The following CMPK2 variants were observed in gnomAD, a reference collection of about 807,000 sequenced individuals.
The protein encoded by CMPK2 is UMP-CMP kinase 2, mitochondrial.
In CMPK2, 32 loss-of-function variants were observed where a neutral mutation model predicts 33.4. The ratio of observed to expected loss-of-function variants is 0.96; its 90% CI spans 0.72 to 1.29. The LOEUF (loss-of-function observed/expected upper bound fraction) is 1.29. Among genes scored for constraint, CMPK2 ranks in the 50% most tolerant of loss-of-function variants. CMPK2 has a pLI of 0.00. For synonymous variants in CMPK2, 299 were observed against 275.3 expected (o/e 1.09, Z -0.85); for missense variants, 672 against 616.0 (o/e 1.09, Z -0.96).
At chr2:6,860,730 C>T (rs1662849819) in intron 3 of CMPK2, among the ~76,000 whole-genome samples, 1 of 152,180 alleles carries the variant, frequency 6.6e-6, no homozygotes. Context: ...ATTGAATCCT[C>T]TAAATTGAGA....
intron 2 of CMPK2, among the ~76,000 whole-genome samples, chr2:6,862,307 T>C (rs1046533312): frequency 2.6e-5 from 4 of 152,226 alleles, no homozygotes; most frequent in Admixed American, 6.5e-5. Context: ...TTTAATCATC[T>C]GACAGAAGAA....
chr2:6,865,608 G>A lies in CMPK2; in HGVS notation c.89C>T (p.Pro30Leu), dbSNP rs1663054199. The A allele has an allele frequency of 7.2e-7, 1 of 1,394,472 alleles. No homozygotes were observed. The highest frequency in any genetic ancestry group is 9.3e-7 in the Non-Finnish European group (1 of 1,074,216). 86.4% of individuals were successfully genotyped at this position (1,394,472 alleles called of 1,614,324 possible). Residue 30 changes from proline (P) to leucine (L), a missense_variant, in exon 1 of 5, where the codon CCG (proline) becomes CTG (leucine). Transcript: ENST00000256722. ...RGVCAGAMAP[P>L]RRFVLELPDC... ...GGGAAGCTCCAGGACGAAGCGGCGC[G>A]GCGGAGCCATGGCCCCAGCGCAGAC...
At chr2:6,864,977 G>A (rs889438291) in intron 1 of CMPK2, 45 bp downstream of exon 1, 1 of 1,388,840 alleles carries the variant, frequency 7.2e-7, no homozygotes, top group South Asian at 1.7e-5. Flanking sequence ...TGGTCTGAAG[G>A]GTTCAGATGC....
chr2:6,852,569 C>T (rs184113319), intron 3 of CMPK2, among the ~76,000 whole-genome samples: 30 of 152,286 alleles, frequency 2.0e-4, no homozygotes, highest in Admixed American at 1.2e-3. Flanking sequence ...ACCCTTTCTA[C>T]GTGACTCTAC....
At chr2:6,866,007 G>T (rs1410997847), upstream of CMPK2, 3 of 598,514 alleles carry the variant, frequency 5.0e-6, no homozygotes, top group African/African-American at 4.0e-5. Context: ...CGGCTCCCGG[G>T]GCTGACACCG....
At chr2:6,857,005 C>A (rs192729891) in intron 3 of CMPK2, among the ~76,000 whole-genome samples, 65 of 152,352 alleles carry the variant, frequency 4.3e-4, no homozygotes, top group South Asian at 8.3e-4. Context: ...AGCAATCTTC[C>A]ACTTTGCTAC....
chr2:6,851,537 T>G lies in CMPK2; in HGVS notation c.1139A>C (p.Glu380Ala). 6.2e-7 allele frequency: 1 copy of G among 1,614,200 alleles called. No homozygotes were observed. The highest frequency in any genetic ancestry group is 8.5e-7 in the Non-Finnish European group (1 of 1,180,036). The change falls in exon 4 of 5, where the codon GAG becomes GCG. Residue 380 changes from glutamate (E) to alanine (A), a missense_variant. Physicochemically the swap from Glu to Ala is moderately radical, Grantham distance 107 (BLOSUM62 -1). Transcript: ENST00000256722. ...GCCCTGCAGCCTCTGCAACCTCTCC[T>G]CAGGACTCACAGTGAGCAGCAGGAT... Reference protein sequence around the residue: ...DLILLLTVSPEERLQRLQGRG... With the variant: ...DLILLLTVSPAERLQRLQGRG...
intron 3 of CMPK2, among the ~76,000 whole-genome samples, chr2:6,855,310 C>CGCCTCTGCCTCT (rs138463540): frequency 6.8e-6 from 1 of 146,788 alleles, no homozygotes; most frequent in African/African-American, 2.6e-5. Flanking sequence ...CCTGCTCTCT[C>CGCCTCTGCCTCT]GCCTCTGCCT....
At chr2:6,866,417 C>T (rs924032724), upstream of CMPK2, 22 of 985,174 alleles carry the variant, frequency 2.2e-5, no homozygotes, top group Non-Finnish European at 2.4e-5. Context: ...CACCTTTGCA[C>T]ACACTCACCT....
At chr2:6,866,431 C>T (rs1291525374), upstream of CMPK2, 4 of 985,510 alleles carry the variant, frequency 4.1e-6, no homozygotes, top group Non-Finnish European at 4.8e-6. Flanking sequence ...CTCACCTGTG[C>T]ACAAGCTTTT....
At chr2:6,842,663 T>G (rs1662261569) in intron 3 of CMPK2, among the ~76,000 whole-genome samples, 1 of 152,210 alleles carries the variant, frequency 6.6e-6, no homozygotes, top group Admixed American at 6.5e-5. Context: ...CTTTAGCTGT[T>G]TAAATGCCTT....
intron 2 of CMPK2, among the ~76,000 whole-genome samples, chr2:6,862,256 A>G (rs534920633): frequency 1.3e-5 from 2 of 152,322 alleles, no homozygotes; most frequent in African/African-American, 4.8e-5. Flanking sequence ...TCAGCACGTT[A>G]TACTCCTAAT....
Position 6,849,981 on chromosome 2 carries a change from C to G in CMPK2, c.1227-8G>C, listed in dbSNP as rs773951131. 6 of 1,605,224 alleles carry G rather than the reference C, an allele frequency of 3.7e-6. No individual in the cohort carries two copies. The highest frequency in any genetic ancestry group is 1.3e-5 in the African/African-American group (1 of 74,716). On this transcript the variant is annotated splice_polypyrimidine_tract_variant and splice_region_variant and intron_variant, in intron 4 of 4. Coordinates refer to ENST00000256722, the MANE Select transcript of CMPK2 (RefSeq NM_207315.4). ...TGGTAGGACATTTCTACCCTGGGGA[C>G]AGGCAAAACACAAAGAGTTGGTCTA... is the stretch of plus-strand genomic sequence containing the variant.
At chr2:6,851,333 CTT>C in intron 4 of CMPK2, 115 bp downstream of exon 4, 2 of 1,519,294 alleles carry the variant, frequency 1.3e-6, no homozygotes, top group South Asian at 1.3e-5. Context: ...GATGTTGTCT[CTT>C]GTGTTTGAAA....
intron 2 of CMPK2, among the ~76,000 whole-genome samples, chr2:6,862,834 T>C (rs1192048352): frequency 5.3e-5 from 8 of 152,202 alleles, no homozygotes; most frequent in Non-Finnish European, 7.4e-5. Flanking sequence ...GAGAAACTCC[T>C]ACGCTGAACC....
chr2:6,865,566 T>TTTC lies in CMPK2; in HGVS notation c.130_131insGAA (p.His44delinsArgAsn). On this transcript the variant is annotated protein_altering_variant, in exon 1 of 5. Transcript: ENST00000256722. ...GGGGGCGTCGGCGCCTAGGGCGAAG[T>TTTC]GAGCCAGGGTGCAGTCGGGAAGCTC... is the stretch of plus-strand genomic sequence containing the variant. The TTTC allele has an allele frequency of 7.4e-7, 1 of 1,350,164 alleles. No individual in the cohort carries two copies. The highest frequency in any genetic ancestry group is 9.5e-7 in the Non-Finnish European group (1 of 1,051,780). 83.6% of individuals were successfully genotyped at this position (1,350,164 alleles called of 1,614,324 possible).
intron 3 of CMPK2, among the ~76,000 whole-genome samples, chr2:6,855,500 G>A (rs565368535): frequency 3.9e-5 from 6 of 152,176 alleles, no homozygotes; most frequent in Middle Eastern, 3.4e-3. Context: ...TATCAGGTAC[G>A]TCTTTATAGC....
At position 6,861,383 on chromosome 2, in the gene CMPK2, T is replaced by G. The variant is rs1325914656; in HGVS notation, c.793A>C (p.Lys265Gln). 7.4e-6 allele frequency: 12 copies of G among 1,613,498 alleles called. No homozygotes were observed. Among genetic ancestry groups the G allele is most frequent in the African/African-American group, 1.3e-5 (1 of 74,914 alleles). Residue 265 changes from lysine (K) to glutamine (Q), a missense_variant and splice_region_variant, in exon 3 of 5, where the codon AAA (lysine) becomes CAA (glutamine). Physicochemically the swap from Lys to Gln is moderately conservative, Grantham distance 53. Coordinates refer to ENST00000256722, the MANE Select transcript of CMPK2 (RefSeq NM_207315.4). ...GCCACTGACTGGGTCACCGTGGTTTTACCTGCAGGTCATACACAAAATATA... is the reference window on the plus strand; with the variant it reads ...GCCACTGACTGGGTCACCGTGGTTTGACCTGCAGGTCATACACAAAATATA... ...VAIEGLDATG[K>Q]TTVTQSVADS...
rs181474914 is a variant in CMPK2 at position 6,841,660 on chromosome 2, T to C, written c.993-982A>G. On this transcript the variant is annotated intron_variant, in intron 3 of 3. Coordinates refer to the CMPK2 transcript ENST00000458098. ...TCTCTGCAGGAGAATACTGAGGCTTTATTTCCCTTATGGAGCCCTCCCAAA... is the reference window on the plus strand; with the variant it reads ...TCTCTGCAGGAGAATACTGAGGCTTCATTTCCCTTATGGAGCCCTCCCAAA... Among the ~76,000 whole-genome samples, 8 of 151,736 alleles carry C rather than the reference T, an allele frequency of 5.3e-5. No individual in the cohort carries two copies. The East Asian group carries it at 1.6e-3, about 30-fold the overall frequency.
Sources: gnomAD v4.1 joint callset for allele counts (sites outside exome capture counted in the v4.1 genomes callset) on GRCh38, gnomAD v4.1.1 for gene constraint, MANE v1.5 for transcripts, NCBI Gene and HGNC (gene_info 2026-07-23, HGNC 2026-07-21) for gene names.